PIEZO2: variants seen among roughly 807,000 people sequenced by gnomAD.
PIEZO2 encodes piezo type mechanosensitive ion channel component 2.
In PIEZO2, 172 loss-of-function variants were observed where a neutral mutation model predicts 337.3. The ratio of observed to expected loss-of-function variants is 0.51; its 90% CI spans 0.45 to 0.58. The LOEUF (loss-of-function observed/expected upper bound fraction) is 0.58. Ranked by LOEUF, PIEZO2 falls within the 20% of genes least tolerant of loss-of-function variation. PIEZO2 has a pLI of 0.00. For synonymous variants in PIEZO2, 1,251 were observed against 1,228.5 expected (o/e 1.02, Z -0.38); for missense variants, 3,028 against 3,391.3 (o/e 0.89, Z 2.66).
intron 5 of PIEZO2, among the ~76,000 whole-genome samples, chr18:10,858,339 A>G (rs1314316969): frequency 3.3e-5 from 5 of 150,388 alleles, no homozygotes; most frequent in Non-Finnish European, 5.9e-5. Context: ...AAAAAAAAAA[A>G]AAAAAAAAGA....
At chr18:10,987,089 T>A (rs543415398) in intron 2 of PIEZO2, among the ~76,000 whole-genome samples, 1 of 152,138 alleles carries the variant, frequency 6.6e-6, no homozygotes, top group South Asian at 2.1e-4. Context: ...ATATCCCATG[T>A]TCATGGACTG....
chr18:11,103,802 T>TGTGC (rs770222161), intron 1 of PIEZO2, among the ~76,000 whole-genome samples: 1 of 151,434 alleles, frequency 6.6e-6, no homozygotes, highest in African/African-American at 2.4e-5. Context: ...TGTGTGTGTG[T>TGTGC]GTGTGTGCGT....
chr18:10,791,136 G>T lies in PIEZO2; in HGVS notation c.1882+65C>A, dbSNP rs1269444585. 2.8e-5 allele frequency: 39 copies of T among 1,418,026 alleles called. No individual in the cohort carries two copies. In the East Asian group the frequency reaches 1.0e-3, roughly 37 times the overall value. The allele number at this position is 1,418,026 out of a possible 1,614,324, so 87.8% of individuals were successfully genotyped here. ...ATTCTGAAGCTGTCTGATGTATTTTGGGGCTCTTTCTCTGTAATTTTGCTG... is the reference window on the plus strand; with the variant it reads ...ATTCTGAAGCTGTCTGATGTATTTTTGGGCTCTTTCTCTGTAATTTTGCTG... On this transcript the variant is annotated intron_variant, in intron 14 of 55. Transcript: ENST00000674853.
At chr18:11,100,680 C>T (rs2039387747) in intron 1 of PIEZO2, among the ~76,000 whole-genome samples, 1 of 152,176 alleles carries the variant, frequency 6.6e-6, no homozygotes, top group African/African-American at 2.4e-5. Context: ...ACTGCAACCT[C>T]CGCCTCCCGG....
chr18:11,055,912 C>A (rs1449471234), intron 2 of PIEZO2, among the ~76,000 whole-genome samples: 1 of 152,218 alleles, frequency 6.6e-6, no homozygotes, highest in African/African-American at 2.4e-5. Context: ...TATGCTGACT[C>A]CTCTGCCCTC....
At chr18:10,741,749 C>T (rs1459249154) in intron 32 of PIEZO2, among the ~76,000 whole-genome samples, 1 of 152,058 alleles carries the variant, frequency 6.6e-6, no homozygotes, top group Non-Finnish European at 1.5e-5. Flanking sequence ...ATTTTAGGTA[C>T]CAATGGTCAG....
chr18:10,684,359 GT>G (rs1428584448), intron 49 of PIEZO2, among the ~76,000 whole-genome samples: 1 of 150,758 alleles, frequency 6.6e-6, no homozygotes. Context: ...TAGAGACAGG[GT>G]TTCACCATGT....
chr18:10,736,553 A>G, intron 34 of PIEZO2, 51 bp downstream of exon 34: 1 of 1,534,710 alleles, frequency 6.5e-7, no homozygotes, highest in Non-Finnish European at 8.7e-7. Flanking sequence ...AAGGTCCGTC[A>G]ATAAGAAAAG....
In PIEZO2 at chr18:10,783,006, T is replaced by C. The variant is rs2039086800; in HGVS notation, c.2492+1778A>G. Among the ~76,000 whole-genome samples, 1 of 152,144 alleles carries C rather than the reference T, an allele frequency of 6.6e-6. No homozygotes were observed. Among genetic ancestry groups the C allele is most frequent in the Admixed American group, 6.5e-5 (1 of 15,284 alleles). ...GGATAAATGGTGAATTATATCTCTG[T>C]TTGATTGCGTGACAGAAGACTCAGA... On this transcript the variant is annotated intron_variant, in intron 17 of 55. Coordinates refer to ENST00000674853, the MANE Select transcript of PIEZO2 (RefSeq NM_001378183.1). This position sits in a 1 kb window ranked among gnomAD's most constrained non-coding sequence, Gnocchi z 4.3.
rs1266697524 is a variant in PIEZO2 at position 11,016,482 on chromosome 18, G to T, written c.161-36822C>A. Among the ~76,000 whole-genome samples, 1 of 152,190 alleles carries T rather than the reference G, an allele frequency of 6.6e-6. No homozygotes were observed. Among genetic ancestry groups the T allele is most frequent in the Admixed American group, 6.5e-5 (1 of 15,274 alleles). ...TGAACCCCTAGGAACCCCCTGCAAAGGGTGGGTATGAGGGGGGTCGGGTTA... is the reference window on the plus strand; with the variant it reads ...TGAACCCCTAGGAACCCCCTGCAAATGGTGGGTATGAGGGGGGTCGGGTTA... On this transcript the variant is annotated intron_variant, in intron 2 of 55. Coordinates refer to ENST00000674853, the MANE Select transcript of PIEZO2 (RefSeq NM_001378183.1). The surrounding 1 kb of genome is among the most constrained non-coding windows in gnomAD (Gnocchi z 5.6).
rs1203915682 is a variant in PIEZO2 at position 11,127,775 on chromosome 18, A to G, written c.64+20750T>C. Among the ~76,000 whole-genome samples, 2 of 139,172 alleles carry G rather than the reference A, an allele frequency of 1.4e-5. No homozygotes were observed. Among genetic ancestry groups the G allele is most frequent in the Non-Finnish European group, 3.0e-5 (2 of 65,736 alleles). The allele number at this position is 139,172 out of a possible 152,430, so 91.3% of individuals were successfully genotyped here. A position where few individuals can be genotyped will look rare whatever the true frequency, so the allele number is the denominator to read the frequency against. ...TGACATATATAGGTATATATGATAT[A>G]TATGCATATACGTGTGTGTGTGTGT... On this transcript the variant is annotated intron_variant, in intron 1 of 55. Coordinates refer to ENST00000674853, the MANE Select transcript of PIEZO2 (RefSeq NM_001378183.1). This position sits in a 1 kb window ranked among gnomAD's most constrained non-coding sequence, Gnocchi z 4.5.
intron 3 of PIEZO2, among the ~76,000 whole-genome samples, chr18:10,977,312 A>G (rs1234523787): frequency 6.6e-6 from 1 of 151,370 alleles, no homozygotes; most frequent in Non-Finnish European, 1.5e-5. Flanking sequence ...ATATATATAT[A>G]TATATATAAA....
At chr18:10,881,408 G>A (rs752383180) in intron 4 of PIEZO2, among the ~76,000 whole-genome samples, 24 of 152,330 alleles carry the variant, frequency 1.6e-4, no homozygotes, top group Non-Finnish European at 2.6e-4. Context: ...CAGCAGGTCT[G>A]TTAAAAGAGT....
chr18:10,759,909 T>A lies in PIEZO2; in HGVS notation c.3451A>T (p.Thr1151Ser). Residue 1151 changes from threonine to serine, a missense_variant and splice_region_variant, in exon 25 of 56, where the codon ACC (threonine) becomes TCC (serine). Physicochemically the swap from Thr to Ser is moderately conservative, Grantham distance 58. Coordinates refer to ENST00000674853, the MANE Select transcript of PIEZO2 (RefSeq NM_001378183.1). The surrounding 1 kb of genome is among the most constrained non-coding windows in gnomAD (Gnocchi z 5.5). ...NYFFYKFGLE[T>S]CFLMSVNVIG... ...ACGTTAACTGACATTAGGAAACAGG[T>A]CTGTGTAAAGATGAAAAGAGGCAAA... The A allele has an allele frequency of 6.5e-7, 1 of 1,536,806 alleles. No individual in the cohort carries two copies. The highest frequency in any genetic ancestry group is 1.4e-5 in the African/African-American group (1 of 73,050).
chr18:11,086,099 G>T (rs1487445878), intron 1 of PIEZO2, among the ~76,000 whole-genome samples: 1 of 152,114 alleles, frequency 6.6e-6, no homozygotes, highest in Admixed American at 6.5e-5. Context: ...GGCATACAAA[G>T]AATTTTAGAA....
intron 2 of PIEZO2, among the ~76,000 whole-genome samples, chr18:11,006,416 T>C (rs1489729614): frequency 1.3e-5 from 2 of 152,224 alleles, no homozygotes; most frequent in East Asian, 3.8e-4. Context: ...GCCTTGTGGC[T>C]TAAGATCTTA....
Position 11,143,204 on chromosome 18 carries a change from G to A in PIEZO2, c.64+5321C>T, listed in dbSNP as rs1363500703. Among the ~76,000 whole-genome samples, 2 of 152,092 alleles carry A rather than the reference G, an allele frequency of 1.3e-5. No homozygotes were observed. The highest frequency in any genetic ancestry group is 3.9e-4 in the East Asian group (2 of 5,194). ...ACGGTTTAAATCAAAAATCTTATAA[G>A]CTGTAATGTTGTAGATTATACACAT... On this transcript the variant is annotated intron_variant, in intron 1 of 55. Coordinates refer to ENST00000674853, the MANE Select transcript of PIEZO2 (RefSeq NM_001378183.1). The surrounding 1 kb of genome is among the most constrained non-coding windows in gnomAD (Gnocchi z 4.9).
At chr18:11,066,033 A>T in intron 2 of PIEZO2, 94 bp downstream of exon 2, 1 of 976,956 alleles carries the variant, frequency 1.0e-6, no homozygotes, top group Non-Finnish European at 1.5e-6. Flanking sequence ...CATAGATAAC[A>T]TCTCTGCCAT....
intron 7 of PIEZO2, among the ~76,000 whole-genome samples, chr18:10,814,108 C>T (rs1428500665): frequency 1.3e-5 from 2 of 151,890 alleles, no homozygotes; most frequent in Non-Finnish European, 2.9e-5. Context: ...GCTGGGACTA[C>T]AGGCGCCCAC....
Sources: gnomAD v4.1 joint callset for allele counts (sites outside exome capture counted in the v4.1 genomes callset) on GRCh38, gnomAD v4.1.1 for gene constraint, Gnocchi (gnomAD v3.1) non-coding constraint, MANE v1.5 for transcripts, NCBI Gene and HGNC (gene_info 2026-07-23, HGNC 2026-07-21) for gene names.